The following PLEKHH2 variants were observed in gnomAD, a reference collection of about 807,000 sequenced individuals.
PLEKHH2 encodes pleckstrin homology, MyTH4 and FERM domain containing H2.
A neutral mutation model predicts 187.9 loss-of-function variants in PLEKHH2; 129 were observed. The observed-to-expected ratio is 0.69, with a 90% CI of 0.59 to 0.79. The LOEUF is 0.79. Ranked by LOEUF, PLEKHH2 falls within the 30% of genes least tolerant of loss-of-function variation. The pLI, the probability that PLEKHH2 is intolerant of heterozygous loss-of-function variation, is 0.00. For missense variants in PLEKHH2, 2,076 were observed against 1,751.2 expected, an observed-to-expected ratio of 1.19 and a Z score of -3.31; for synonymous variants, 686 against 605.6, an observed-to-expected ratio of 1.13 and a Z score of -1.95.
chr2:43,657,820 A>G lies in PLEKHH2; in HGVS notation c.123+13024A>G, dbSNP rs537566287. Among the ~76,000 whole-genome samples, 62 of 152,250 alleles carry G rather than the reference A, an allele frequency of 4.1e-4. 1 individual carries two copies. The highest frequency in any genetic ancestry group is 1.0e-4 in the Non-Finnish European group (7 of 68,040). On this transcript the variant is annotated intron_variant, in intron 2 of 29. Coordinates refer to ENST00000282406, the MANE Select transcript of PLEKHH2 (RefSeq NM_172069.4). Reference sequence around the variant, plus strand: ...CCCAGTATCTGCAGCATTGATAGATACCGGGCAGACTGGTGTAGGGTGGCG... The same window carrying G: ...CCCAGTATCTGCAGCATTGATAGATGCCGGGCAGACTGGTGTAGGGTGGCG...
intron 14 of PLEKHH2, chr2:43,711,005 A>G (rs1669938175): frequency 1.0e-6 from 1 of 996,326 alleles, no homozygotes; most frequent in South Asian, 4.6e-5. Flanking sequence ...ATGCCATAAC[A>G]CCAAAGTGGG....
At chr2:43,697,725 T>A (rs1303781172) in intron 7 of PLEKHH2, among the ~76,000 whole-genome samples, 1 of 152,180 alleles carries the variant, frequency 6.6e-6, no homozygotes, top group African/African-American at 2.4e-5. Context: ...TATAAAACAT[T>A]ACTTAATATT....
intron 20 of PLEKHH2, 64 bp downstream of exon 20, chr2:43,738,584 T>C: frequency 2.1e-6 from 3 of 1,419,672 alleles, no homozygotes; most frequent in South Asian, 1.4e-5. Flanking sequence ...ATTGTAAGAA[T>C]GATACACATT....
At position 43,683,142 on chromosome 2, in the gene PLEKHH2, CT is replaced by C. The variant is rs34805310; in HGVS notation, c.186+4237del. Among the ~76,000 whole-genome samples the C allele has an allele frequency of 7.4e-3, 704 of 94,546 alleles. 3 individuals are homozygous for C. The highest frequency in any genetic ancestry group is 0.022 in the African/African-American group (498 of 23,118). 62.0% of individuals were successfully genotyped at this position (94,546 alleles called of 152,430 possible). ...TTTTTAATTCTTTTATTTATATACC[CT>C]TTTTTTTTTTTTTTTTTTTGAGATG... On this transcript the variant is annotated intron_variant, in intron 3 of 29. Coordinates refer to ENST00000282406, the MANE Select transcript of PLEKHH2 (RefSeq NM_172069.4).
intron 3 of PLEKHH2, among the ~76,000 whole-genome samples, chr2:43,690,403 T>C (rs549309777): frequency 3.9e-5 from 6 of 152,294 alleles, no homozygotes; most frequent in African/African-American, 1.2e-4. Context: ...GGTATTTAAA[T>C]AGAACAGTTT....
At chr2:43,757,289 A>T (rs750892607) in intron 26 of PLEKHH2, 25 bp downstream of exon 26, 1 of 1,515,426 alleles carries the variant, frequency 6.6e-7, no homozygotes, top group East Asian at 2.4e-5. Flanking sequence ...GTAACTCTTT[A>T]TAGGGTAGGG....
chr2:43,706,191 T>C, intron 9 of PLEKHH2, 131 bp from the exon 10 acceptor site: 1 of 700,292 alleles, frequency 1.4e-6, no homozygotes, highest in South Asian at 1.6e-5. Context: ...AAGTAGACTA[T>C]ACAGTTAGTA....
intron 8 of PLEKHH2, among the ~76,000 whole-genome samples, chr2:43,700,936 T>C (rs1669333298): frequency 6.6e-6 from 1 of 152,186 alleles, no homozygotes; most frequent in African/African-American, 2.4e-5. Flanking sequence ...TTTTCAAGTT[T>C]TACTTTTTCT....
chr2:43,677,272 A>G (rs1337379653), intron 2 of PLEKHH2, among the ~76,000 whole-genome samples: 2 of 151,826 alleles, frequency 1.3e-5, no homozygotes, highest in African/African-American at 4.8e-5. Context: ...GTCATAGGAC[A>G]ATAGTGGAGG....
chr2:43,654,218 C>T (rs865875657), intron 2 of PLEKHH2, among the ~76,000 whole-genome samples: 9 of 152,184 alleles, frequency 5.9e-5, no homozygotes, highest in South Asian at 2.1e-4. Context: ...TTTATTGAGA[C>T]GGAGTCTTGC....
chr2:43,653,109 T>C (rs984085626), intron 2 of PLEKHH2, among the ~76,000 whole-genome samples: 4 of 152,076 alleles, frequency 2.6e-5, no homozygotes, highest in African/African-American at 4.8e-5. Context: ...ATAGGAAGAC[T>C]GGAGGGAAGA....
At chr2:43,747,000 T>C (rs1229225803) in intron 24 of PLEKHH2, among the ~76,000 whole-genome samples, 1 of 152,066 alleles carries the variant, frequency 6.6e-6, no homozygotes, top group East Asian at 1.9e-4. Context: ...ACCTATGTCC[T>C]ATGTTTGCCT....
At chr2:43,676,267 G>C in intron 2 of PLEKHH2, 1 of 1,613,654 alleles carries the variant, frequency 6.2e-7, no homozygotes, top group Non-Finnish European at 8.5e-7. Context: ...CAAAACCCAG[G>C]AAATGCTCCC....
rs1195958007 is a variant in PLEKHH2 at position 43,753,603 on chromosome 2, CT to C, written c.3654-15del. 5.6e-6 allele frequency: 8 copies of C among 1,435,358 alleles called. No homozygotes were observed. The highest frequency in any genetic ancestry group is 7.4e-6 in the Non-Finnish European group (8 of 1,085,306). The allele number at this position is 1,435,358 out of a possible 1,614,324, so 88.9% of individuals were successfully genotyped here. On this transcript the variant is annotated splice_polypyrimidine_tract_variant and intron_variant, in intron 24 of 29. Coordinates refer to ENST00000282406, the MANE Select transcript of PLEKHH2 (RefSeq NM_172069.4). ...AGAATATAATTTAATGAGAAATTTA[CT>C]CTTTTTTTTTACAGACTATATTTCT... is the stretch of plus-strand genomic sequence containing the variant.
At chr2:43,649,709 T>A (rs1225421303) in intron 2 of PLEKHH2, among the ~76,000 whole-genome samples, 2 of 152,256 alleles carry the variant, frequency 1.3e-5, no homozygotes, top group African/African-American at 4.8e-5. Context: ...AAATGTCACA[T>A]CTTTGGTTAC....
chr2:43,745,748 C>A, intron 23 of PLEKHH2, 118 bp from the exon 24 acceptor site: 2 of 648,392 alleles, frequency 3.1e-6, no homozygotes, highest in East Asian at 2.8e-5. Context: ...AAACAAAAAG[C>A]TTGAGTATAT....
At chr2:43,704,663 A>T (rs1669559566) in intron 9 of PLEKHH2, among the ~76,000 whole-genome samples, 1 of 37,056 alleles carries the variant, frequency 2.7e-5, no homozygotes, top group East Asian at 2.8e-4. Context: ...ATTCTGTCTT[A>T]AAAAAAAAAA....
rs1666481024 is a variant in PLEKHH2, at chr2:43,651,688, A to C, written c.123+6892A>C. Among the ~76,000 whole-genome samples the C allele has an allele frequency of 1.3e-5, 2 of 152,222 alleles. 1 individual carries two copies. Among genetic ancestry groups the C allele is most frequent in the South Asian group, 4.1e-4 (2 of 4,828 alleles). On this transcript the variant is annotated intron_variant, in intron 2 of 29. Coordinates refer to ENST00000282406, the MANE Select transcript of PLEKHH2 (RefSeq NM_172069.4). The stretch of plus-strand genomic sequence containing the variant: ...TCAACTAAAAGGGCATTAGGGAATC[A>C]GAACATGAAGACTGAAATCCCAGCC...
intron 20 of PLEKHH2, 143 bp from the exon 21 acceptor site, chr2:43,740,803 A>G: frequency 7.5e-7 from 1 of 1,327,404 alleles, no homozygotes; most frequent in Non-Finnish European, 9.7e-7. Context: ...CCTATGATAA[A>G]TGCTGTAAAC....
Sources: allele counts gnomAD v4.1 joint callset (sites outside exome capture counted in the v4.1 genomes callset), GRCh38; gene constraint gnomAD v4.1.1; transcripts MANE v1.5; gene names NCBI Gene and HGNC (gene_info 2026-07-23, HGNC 2026-07-21).